The following MARCHF6 variants were observed in gnomAD, a reference collection of about 807,000 sequenced individuals.
MARCHF6 encodes the protein E3 ubiquitin-protein ligase MARCHF6.
MARCHF6 carries 31 observed loss-of-function variants against 133.7 expected under a neutral mutation model. The observed-to-expected ratio is 0.23, with a 90% CI of 0.17 to 0.31. The LOEUF is 0.31. Among genes scored for constraint, MARCHF6 ranks in the 10% least tolerant of loss-of-function variants. MARCHF6 has a pLI of 1.00. For missense variants in MARCHF6, 723 were observed against 1,121.6 expected (o/e 0.64, Z 5.08); for synonymous variants, 395 against 402.5 (o/e 0.98, Z 0.22).
intron 19 of MARCHF6, among the ~76,000 whole-genome samples, chr5:10,412,731 A>ACACC (rs1182664384): frequency 1.3e-5 from 2 of 152,110 alleles, no homozygotes; most frequent in Non-Finnish European, 2.9e-5. Flanking sequence ...GCATGCCACT[A>ACACC]CACCTGGCTA....
At chr5:10,399,570 A>T (rs1738396227) in intron 10 of MARCHF6, among the ~76,000 whole-genome samples, 1 of 150,338 alleles carries the variant, frequency 6.7e-6, no homozygotes, top group Non-Finnish European at 1.5e-5. Flanking sequence ...AGAAGACTAT[A>T]AAAATTCTCT....
chr5:10,404,418 G>A (rs1738758534), intron 15 of MARCHF6, among the ~76,000 whole-genome samples: 1 of 152,114 alleles, frequency 6.6e-6, no homozygotes, highest in Admixed American at 6.6e-5. Context: ...GTGATTTGAA[G>A]ATGATGAAAG....
chr5:10,428,500 C>G (rs950590455), intron 24 of MARCHF6, among the ~76,000 whole-genome samples: 5 of 151,878 alleles, frequency 3.3e-5, no homozygotes, highest in African/African-American at 1.2e-4. Context: ...CGCCACCATG[C>G]CCAGCTAATT....
intron 1 of MARCHF6, among the ~76,000 whole-genome samples, chr5:10,369,603 ACCCC>A (rs58947018): frequency 1.1e-4 from 3 of 26,500 alleles, no homozygotes; most frequent in African/African-American, 2.7e-4. Flanking sequence ...TAGTTCCATT[ACCCC>A]CCCCCCCCCT....
intron 12 of MARCHF6, 77 bp from the exon 13 acceptor site, chr5:10,402,307 T>C (rs1738589094): frequency 7.5e-7 from 1 of 1,334,312 alleles, no homozygotes; most frequent in East Asian, 2.3e-5. Context: ...TGTCAAAAAA[T>C]ACTAAATGTT....
At chr5:10,430,490 G>T (rs1740312000) in intron 25 of MARCHF6, among the ~76,000 whole-genome samples, 1 of 152,010 alleles carries the variant, frequency 6.6e-6, no homozygotes. Flanking sequence ...ATTTTTAGTA[G>T]AGACAGGGTT....
At chr5:10,411,901 A>G (rs182920882) in intron 19 of MARCHF6, among the ~76,000 whole-genome samples, 26 of 152,342 alleles carry the variant, frequency 1.7e-4, no homozygotes, top group Non-Finnish European at 2.6e-4. Context: ...TTTCATGTTT[A>G]TAGCTAAGGA....
chr5:10,394,826 A>C (rs777618737), intron 9 of MARCHF6, 41 bp downstream of exon 9: 2 of 1,285,308 alleles, frequency 1.6e-6, no homozygotes, highest in Non-Finnish European at 1.1e-6. Flanking sequence ...TTGAGACGGA[A>C]TCTCACTCTG....
intron 22 of MARCHF6, among the ~76,000 whole-genome samples, chr5:10,423,350 C>T (rs986171688): frequency 6.6e-6 from 1 of 152,202 alleles, no homozygotes; most frequent in Non-Finnish European, 1.5e-5. Context: ...TTAGGCCAAA[C>T]TTTGCTCCAC....
chr5:10,412,516 A>C (rs1739287035), intron 19 of MARCHF6, among the ~76,000 whole-genome samples: 1 of 152,196 alleles, frequency 6.6e-6, no homozygotes, highest in Non-Finnish European at 1.5e-5. Flanking sequence ...GCATTCCAGG[A>C]ATATGTCAGG....
chr5:10,440,148 T>A lies in MARCHF6; in HGVS notation c.*6464T>A, dbSNP rs1449117260. ...GTAAGCTCCAAAGATTTTATTTTTT[T>A]AAACTGAATTATTACTGTATTCCCA... is the stretch of plus-strand genomic sequence containing the variant. On this transcript the variant is annotated 3_prime_UTR_variant, in exon 26 of 26. Coordinates refer to ENST00000274140, the MANE Select transcript of MARCHF6 (RefSeq NM_005885.4). The A allele has an allele frequency of 2.0e-5, 3 of 152,256 alleles. No homozygotes were observed. Among genetic ancestry groups the A allele is most frequent in the African/African-American group, 7.2e-5 (3 of 41,462 alleles). 9.4% of individuals were successfully genotyped at this position (152,256 alleles called of 1,614,324 possible).
In MARCHF6 at chr5:10,437,313, CAAAA is replaced by C. The variant is rs201829065; in HGVS notation, c.*3635_*3638del. On this transcript the variant is annotated 3_prime_UTR_variant, in exon 26 of 26. Transcript: ENST00000274140. ...CTTCTTTAGGATGTTATTCAGCCAT[CAAAA>C]AAAAACCCAACTAAAATGTCTTACC... The C allele has an allele frequency of 1.3e-5, 2 of 150,842 alleles. No homozygotes were observed. The highest frequency in any genetic ancestry group is 3.0e-5 in the Non-Finnish European group (2 of 67,574). The allele number at this position is 150,842 out of a possible 1,614,324, so 9.3% of individuals were successfully genotyped here.
intron 17 of MARCHF6, among the ~76,000 whole-genome samples, chr5:10,408,869 G>T (rs894826026): frequency 4.6e-5 from 7 of 152,072 alleles, no homozygotes; most frequent in Admixed American, 4.6e-4. Context: ...TGTCTTCATC[G>T]TTGTATTTCT....
intron 1 of MARCHF6, 139 bp from the exon 2 acceptor site, chr5:10,377,659 T>G (rs984469394): frequency 1.9e-6 from 1 of 538,082 alleles, no homozygotes; most frequent in Non-Finnish European, 3.3e-6. Context: ...AATCACAACT[T>G]TCAGTTCTCC....
chr5:10,406,889 G>T (rs1431185081), intron 16 of MARCHF6, among the ~76,000 whole-genome samples: 2 of 152,234 alleles, frequency 1.3e-5, no homozygotes, highest in East Asian at 1.9e-4. Flanking sequence ...TTGTGTCCTA[G>T]ATGGGAGGTC....
chr5:10,368,281 A>G (rs938238019), intron 1 of MARCHF6, among the ~76,000 whole-genome samples: 17 of 152,186 alleles, frequency 1.1e-4, no homozygotes, highest in Non-Finnish European at 2.9e-5. Flanking sequence ...AGGATCAGCT[A>G]AGTTATGTCG....
In MARCHF6 at chr5:10,402,441, A is replaced by G; in HGVS notation, c.1111A>G (p.Ile371Val). 6.2e-7 allele frequency: 1 copy of G among 1,613,860 alleles called. No homozygotes were observed. The highest frequency in any genetic ancestry group is 8.5e-7 in the Non-Finnish European group (1 of 1,179,868). Residue 371 changes from isoleucine to valine, a missense_variant, in exon 13 of 26, where the codon ATT (isoleucine) becomes GTT (valine). Ile to Val is a conservative substitution (Grantham distance 29, BLOSUM62 3). Transcript: ENST00000274140. Reference protein sequence around the residue: ...RSRRLLGVCYIVVKVSLLVVV... With the variant: ...RSRRLLGVCYVVVKVSLLVVV... The stretch of plus-strand genomic sequence containing the variant: ...TCGTCGCTTACTGGGAGTCTGCTAT[A>G]TTGTTGTTAAGGTAATTCCTGTTAT...
At chr5:10,375,373 C>T (rs1431348307) in intron 1 of MARCHF6, among the ~76,000 whole-genome samples, 7 of 152,372 alleles carry the variant, frequency 4.6e-5, no homozygotes, top group African/African-American at 1.4e-4. Context: ...GATTTCTTGC[C>T]GGGCCTTAGC....
intron 9 of MARCHF6, among the ~76,000 whole-genome samples, chr5:10,396,638 G>A (rs1246331685): frequency 6.6e-6 from 1 of 152,190 alleles, no homozygotes; most frequent in Non-Finnish European, 1.5e-5. Context: ...TGGGCAGTCT[G>A]GTCAGTGTCA....
Sources: allele counts gnomAD v4.1 joint callset (sites outside exome capture counted in the v4.1 genomes callset), GRCh38; gene constraint gnomAD v4.1.1; transcripts MANE v1.5; gene names NCBI Gene and HGNC (gene_info 2026-07-23, HGNC 2026-07-21).